The following KIF12 variants were observed in gnomAD, a reference collection of about 807,000 sequenced individuals.
KIF12 encodes the protein kinesin-like protein KIF12.
KIF12 carries 80 observed loss-of-function variants against 87.9 expected under a neutral mutation model. The ratio of observed to expected loss-of-function variants is 0.91; its 90% confidence interval spans 0.76 to 1.10. The LOEUF is 1.10. Ranked by LOEUF, KIF12 falls within the 50% of genes least tolerant of loss-of-function variation. The probability of loss-of-function intolerance (pLI) is 0.00; values close to 1 mark genes in which losing one functional copy is unlikely to be tolerated. For synonymous variants in KIF12, 353 were observed against 348.5 expected, an observed-to-expected ratio of 1.01 and a Z score of -0.14; for missense variants, 819 against 865.3, an observed-to-expected ratio of 0.95 and a Z score of 0.67.
At chr9:114,092,787 G>A in intron 16 of KIF12, 145 bp from the exon 17 acceptor site, 1 of 1,473,954 alleles carries the variant, frequency 6.8e-7, no homozygotes, top group Non-Finnish European at 8.9e-7. Context: ...GTGGGGTCTT[G>A]GTCGCCTTCT....
rs1847182523 is a variant in KIF12, at chr9:114,095,414, C to A, written c.896-82G>T. ...CTGGGATGCTGCAGAGTTGGGCTCT[C>A]CACCCAGGCCTGTGTTGCCCTAAAA... On this transcript the variant is annotated intron_variant, in intron 9 of 18. Transcript: ENST00000640217. 5.6e-6 allele frequency: 8 copies of A among 1,436,018 alleles called. No homozygotes were observed. In the Admixed American group the frequency reaches 1.6e-4, roughly 29 times the overall value. The allele number at this position is 1,436,018 out of a possible 1,614,324, so 89.0% of individuals were successfully genotyped here. A position where few individuals can be genotyped will look rare whatever the true frequency, so the allele number is the denominator to read the frequency against.
At position 114,098,354 on chromosome 9, in the gene KIF12, C is replaced by A; in HGVS notation, c.247G>T (p.Asp83Tyr). The A allele has an allele frequency of 6.7e-7, 1 of 1,497,874 alleles. No homozygotes were observed. The highest frequency in any genetic ancestry group is 8.9e-7 in the Non-Finnish European group (1 of 1,128,254). The allele number at this position is 1,497,874 out of a possible 1,614,324, so 92.8% of individuals were successfully genotyped here. A position where few individuals can be genotyped will look rare whatever the true frequency, so the allele number is the denominator to read the frequency against. The change falls in exon 4 of 19, where the codon GAC (aspartate) becomes TAC (tyrosine). Residue 83 changes from aspartate (D) to tyrosine (Y), a missense_variant. Asp to Tyr is a radical substitution (Grantham distance 160). Coordinates refer to ENST00000640217, the MANE Select transcript of KIF12 (RefSeq NM_001388308.1). ...AVLDAARTQE[D>Y]VFRACGVRRL... The stretch of plus-strand genomic sequence containing the variant: ...CGCACGCCGCACGCCCGGAACACGT[C>A]CTCCTGCGTGCGCGCCGCGTCTAGC...
chr9:114,093,424 G>T lies in KIF12; in HGVS notation c.1474C>A (p.Pro492Thr). Residue 492 changes from proline to threonine, a missense_variant, in exon 15 of 19, where the codon CCA (proline) becomes ACA (threonine). Transcript: ENST00000640217. The stretch of plus-strand genomic sequence containing the variant: ...AGACTCACATGGCAAGGGGGAGCTG[G>T]GGCCATCAAGCAGGGACACGGTGGG... ...LTPPCPCLMAPAPPCHALPPL... is the reference protein window; with the variant it reads ...LTPPCPCLMATAPPCHALPPL... 1 of 1,568,502 alleles carries T rather than the reference G, an allele frequency of 6.4e-7. No homozygotes were observed. The highest frequency in any genetic ancestry group is 8.6e-7 in the Non-Finnish European group (1 of 1,156,380).
chr9:114,092,139 A>G, intron 18 of KIF12, 139 bp from the exon 19 acceptor site: 1 of 929,064 alleles, frequency 1.1e-6, no homozygotes, highest in Non-Finnish European at 1.5e-6. Flanking sequence ...CCCATACACC[A>G]TGGGCTCCAA....
Position 114,091,888 on chromosome 9 carries a change from G to A in KIF12, c.1929C>T (p.Ser643=), listed in dbSNP as rs1201767594. Residue 643 remains serine (S), a synonymous_variant, in exon 19 of 19, where the codon AGC becomes AGT. Transcript: ENST00000640217. ...AATGGGGAGGGAGGACTTGGCCTGG[G>A]CTCCGTGCGCCCTCACTGCAGGGTG... ...SQPPCSEGAR[S]PGQVLPPH 8.7e-6 allele frequency: 14 copies of A among 1,607,560 alleles called. No individual in the cohort carries two copies. In the East Asian group the frequency reaches 3.1e-4, roughly 36 times the overall value.
At chr9:114,096,808 A>C (rs891405037) in intron 7 of KIF12, among the ~76,000 whole-genome samples, 9 of 152,230 alleles carry the variant, frequency 5.9e-5, no homozygotes, top group African/African-American at 1.9e-4. Context: ...CAGAATCCAC[A>C]GTCAGCATCT....
intron 7 of KIF12, among the ~76,000 whole-genome samples, chr9:114,096,858 A>AT (rs58380716): frequency 0.048 from 7,236 of 152,240 alleles, 563 homozygotes; most frequent in African/African-American, 0.17. Flanking sequence ...TAAATACTTG[A>AT]TTTAAAAAAA....
intron 2 of KIF12, 41 bp from the exon 3 acceptor site, chr9:114,099,054 T>C (rs892693357): frequency 3.2e-6 from 5 of 1,550,478 alleles, no homozygotes; most frequent in Non-Finnish European, 4.4e-6. Flanking sequence ...TCCTGATGTC[T>C]TCCTCGATCC....
chr9:114,094,881 A>G (rs930577635), intron 11 of KIF12, 142 bp downstream of exon 11: 31 of 745,298 alleles, frequency 4.2e-5, no homozygotes, highest in Non-Finnish European at 5.9e-5. Flanking sequence ...CTATACAACC[A>G]TGATACCGAT....
In KIF12 at chr9:114,096,432, G is replaced by A. The variant is rs766752937; in HGVS notation, c.693C>T (p.Ser231=). The A allele has an allele frequency of 1.2e-6, 2 of 1,613,086 alleles. No individual in the cohort carries two copies. The highest frequency in any genetic ancestry group is 8.5e-7 in the Non-Finnish European group (1 of 1,179,668). Residue 231 remains serine (S), a synonymous_variant, in exon 8 of 19, where the codon TCC becomes TCT. Transcript: ENST00000640217. ...GGGTGAGCAGGGCATGGCTTCGGCT[G>A]GAGGCCTGGTTCAGGGTGTGGGCTG... ...RNSAHTLNQA[S]SRSHALLTLY...
chr9:114,098,340 C>T lies in KIF12; in HGVS notation c.261G>A (p.Ala87=). The T allele has an allele frequency of 5.4e-6, 8 of 1,487,974 alleles. No individual in the cohort carries two copies. Among genetic ancestry groups the T allele is most frequent in the Non-Finnish European group, 7.1e-6 (8 of 1,123,644 alleles). The allele number at this position is 1,487,974 out of a possible 1,614,324, so 92.2% of individuals were successfully genotyped here. A position where few individuals can be genotyped will look rare whatever the true frequency, so the allele number is the denominator to read the frequency against. ...GCTCCCCCAGGCGCCGCACGCCGCA[C>T]GCCCGGAACACGTCCTCCTGCGTGC... is the stretch of plus-strand genomic sequence containing the variant. The part of the protein sequence containing the change: ...AARTQEDVFR[A]CGVRRLGELA... Residue 87 remains alanine (A), a synonymous_variant, in exon 4 of 19, where the codon GCG becomes GCA. Coordinates refer to ENST00000640217, the MANE Select transcript of KIF12 (RefSeq NM_001388308.1).
At position 114,092,566 on chromosome 9, in the gene KIF12, C is replaced by G; in HGVS notation, c.1673G>C (p.Gly558Ala). The change falls in exon 17 of 19, where the codon GGC becomes GCC. Residue 558 changes from glycine to alanine, a missense_variant. Transcript: ENST00000640217. ...PPPWAPPCSPGSAKCPRERSH... is the reference protein window; with the variant it reads ...PPPWAPPCSPASAKCPRERSH... ...CCTCTCTCTTGGGCACTTGGCAGAG[C>G]CAGGGCTGCATGGGGGTGCCCAGGG... The G allele has an allele frequency of 6.2e-7, 1 of 1,610,518 alleles. No homozygotes were observed. The highest frequency in any genetic ancestry group is 1.1e-5 in the South Asian group (1 of 90,610).
In KIF12 at chr9:114,093,265, G is replaced by C; in HGVS notation, c.1560C>G (p.His520Gln). 6.4e-7 allele frequency: 1 copy of C among 1,557,710 alleles called. No homozygotes were observed. Among genetic ancestry groups the C allele is most frequent in the African/African-American group, 1.4e-5 (1 of 73,724 alleles). The part of the protein sequence containing the change: ...ICPLCRVPLA[H>Q]WACLPGEHHL... Reference sequence around the variant, plus strand: ...GGTGCTCCCCTGGCAGGCAGGCCCAGTGGGCCAGGGGCACTCGACACAGTG... The same window carrying C: ...GGTGCTCCCCTGGCAGGCAGGCCCACTGGGCCAGGGGCACTCGACACAGTG... Residue 520 changes from histidine (H) to glutamine (Q), a missense_variant, in exon 16 of 19, where the codon CAC becomes CAG. By Grantham distance (24) the His-to-Gln change is conservative (BLOSUM62 0). Transcript: ENST00000640217.
chr9:114,094,070 C>A, intron 13 of KIF12, 98 bp from the exon 14 acceptor site: 1 of 1,441,644 alleles, frequency 6.9e-7, no homozygotes, highest in Non-Finnish European at 9.7e-7. Flanking sequence ...GTTCAGGAAG[C>A]AGGTGGGGAC....
At chr9:114,094,478 C>A (rs554157552) in intron 11 of KIF12, 23 bp from the exon 12 acceptor site, 1 of 1,463,554 alleles carries the variant, frequency 6.8e-7, no homozygotes, top group Non-Finnish European at 9.5e-7. Flanking sequence ...AGGCCCAGAG[C>A]CACCTTTATG....
chr9:114,096,827 T>TGCCAAAGGAGGGGTGCCC (rs1847251271), intron 7 of KIF12, among the ~76,000 whole-genome samples: 2 of 152,126 alleles, frequency 1.3e-5, no homozygotes. Flanking sequence ...CTCCAGTGCC[T>TGCCAAAGGAGGGGTGCCC]GCCAAAGGAG....
Position 114,096,097 on chromosome 9 carries a change from C to G in KIF12, c.849G>C (p.Glu283Asp). 6.2e-7 allele frequency: 1 copy of G among 1,613,824 alleles called. No individual in the cohort carries two copies. The highest frequency in any genetic ancestry group is 1.7e-5 in the Admixed American group (1 of 60,028). Residue 283 changes from glutamate to aspartate, a missense_variant, in exon 9 of 19, where the codon GAG becomes GAC. Glu to Asp is a conservative substitution (Grantham distance 45, BLOSUM62 2). Transcript: ENST00000640217. ...TGATGCTGTTAGCCTCAAGCATCAG[C>G]TCCCCACGGGATCCCGTGGCTGCTA... is the stretch of plus-strand genomic sequence containing the variant. ...EKVAATGSRG[E>D]LMLEANSINR...
At chr9:114,094,094 G>A (rs1407607603) in intron 13 of KIF12, 87 bp downstream of exon 13, 2 of 1,468,252 alleles carry the variant, frequency 1.4e-6, no homozygotes, top group Non-Finnish European at 1.9e-6. Context: ...AGGGAGCCAG[G>A]GGCAGGGAGA....
chr9:114,098,488 G>GAGGGCGGGGCACTCTGGAGGA, intron 3 of KIF12, 59 bp from the exon 4 acceptor site: 4 of 1,310,582 alleles, frequency 3.1e-6, no homozygotes, highest in Non-Finnish European at 2.9e-6. Flanking sequence ...CACCCTGGAG[G>GAGGGCGGGGCACTCTGGAGGA]GGCGGGGCAC....
Sources: gnomAD v4.1 joint callset for allele counts (sites outside exome capture counted in the v4.1 genomes callset) on GRCh38, gnomAD v4.1.1 for gene constraint, MANE v1.5 for transcripts, NCBI Gene and HGNC (gene_info 2026-07-23, HGNC 2026-07-21) for gene names.